SWAP70: variants seen among roughly 807,000 people sequenced by gnomAD.
The protein encoded by SWAP70 is switching B cell complex subunit SWAP70.
A neutral mutation model predicts 80.2 loss-of-function variants in SWAP70; 34 were observed. That is an observed-to-expected ratio of 0.42 (90% CI 0.32 to 0.56). The LOEUF (loss-of-function observed/expected upper bound fraction) is 0.56, where lower values mean the gene tolerates loss of function less well. Among genes scored for constraint, SWAP70 ranks in the 20% least tolerant of loss-of-function variants. SWAP70 has a pLI of 0.09. For missense variants in SWAP70, 578 were observed against 690.7 expected (o/e 0.84, Z 1.83); for synonymous variants, 239 against 238.5 (o/e 1.00, Z -0.02).
intron 7 of SWAP70, among the ~76,000 whole-genome samples, chr11:9,733,624 C>T (rs1851327980): frequency 1.3e-5 from 2 of 152,216 alleles, no homozygotes; most frequent in Admixed American, 6.5e-5. Flanking sequence ...TTTCTAAAAG[C>T]AGCTCCTCAT....
chr11:9,706,378 C>T (rs1277405105), intron 2 of SWAP70, among the ~76,000 whole-genome samples: 1 of 151,912 alleles, frequency 6.6e-6, no homozygotes, highest in East Asian at 1.9e-4. Flanking sequence ...ATACATTGAT[C>T]AGCACTTGTT....
intron 1 of SWAP70, among the ~76,000 whole-genome samples, chr11:9,674,615 C>T (rs992139301): frequency 6.6e-6 from 1 of 151,930 alleles, no homozygotes; most frequent in African/African-American, 2.4e-5. Flanking sequence ...TTTCAGTGAG[C>T]TGAGATAGTG....
At chr11:9,682,721 C>T (rs766304832) in intron 1 of SWAP70, among the ~76,000 whole-genome samples, 1 of 152,004 alleles carries the variant, frequency 6.6e-6, no homozygotes, top group African/African-American at 2.4e-5. Flanking sequence ...CTGTTGCCCA[C>T]GCAGGAGTGC....
intron 2 of SWAP70, among the ~76,000 whole-genome samples, chr11:9,698,322 AAC>A (rs1303067393): frequency 2.6e-5 from 4 of 151,990 alleles, no homozygotes; most frequent in South Asian, 2.1e-4. Flanking sequence ...GCTGGTCTTA[AAC>A]TCCTGACCTC....
intron 3 of SWAP70, among the ~76,000 whole-genome samples, chr11:9,715,690 G>T (rs1469510633): frequency 6.6e-6 from 1 of 152,208 alleles, no homozygotes; most frequent in African/African-American, 2.4e-5. Flanking sequence ...AAAGCCATCA[G>T]ATCTCATGAG....
rs561788569 is a variant in SWAP70 at position 9,749,217 on chromosome 11, T to A, written c.1651+34T>A. On this transcript the variant is annotated intron_variant, in intron 11 of 11. Transcript: ENST00000318950. Reference sequence around the variant, plus strand: ...CTCTATGAAGTAATCATATATTTATTTTTATTTTTCATTTTTATTTTATTT... The same window carrying A: ...CTCTATGAAGTAATCATATATTTATATTTATTTTTCATTTTTATTTTATTT... The A allele has an allele frequency of 8.5e-6, 10 of 1,178,134 alleles. No individual in the cohort carries two copies. In the African/African-American group the frequency reaches 9.8e-5, roughly 12 times the overall value. 73.0% of individuals were successfully genotyped at this position (1,178,134 alleles called of 1,614,324 possible).
chr11:9,742,354 C>G (rs976613517), intron 9 of SWAP70, among the ~76,000 whole-genome samples: 3 of 149,204 alleles, frequency 2.0e-5, no homozygotes, highest in African/African-American at 7.4e-5. Flanking sequence ...CTTTTTTTTT[C>G]TGAGATGGAG....
chr11:9,738,890 A>G (rs1851399448), intron 8 of SWAP70, among the ~76,000 whole-genome samples: 1 of 152,088 alleles, frequency 6.6e-6, no homozygotes, highest in African/African-American at 2.4e-5. Context: ...AATTTGTGGA[A>G]TGATGTGATA....
intron 1 of SWAP70, among the ~76,000 whole-genome samples, chr11:9,686,681 A>G (rs942432381): frequency 6.6e-6 from 1 of 152,116 alleles, no homozygotes; most frequent in Non-Finnish European, 1.5e-5. Context: ...TGTTAGGGTC[A>G]TCTTTCTGTA....
Position 9,748,031 on chromosome 11 carries a change from G to T in SWAP70, c.1529G>T (p.Arg510Leu). Residue 510 changes from arginine to leucine, a missense_variant, in exon 10 of 12, where the codon CGG becomes CTG. Coordinates refer to ENST00000318950, the MANE Select transcript of SWAP70 (RefSeq NM_015055.4). Reference sequence around the variant, plus strand: ...CAGCTGGAGCAGCTTGAGTTAGAACGGAAGCAAGCACTTGAGCAGTACGAG... The same window carrying T: ...CAGCTGGAGCAGCTTGAGTTAGAACTGAAGCAAGCACTTGAGCAGTACGAG... ...MEQLEQLELE[R>L]KQALEQYEEV... 6.2e-7 allele frequency: 1 copy of T among 1,614,110 alleles called. No homozygotes were observed. The highest frequency in any genetic ancestry group is 8.5e-7 in the Non-Finnish European group (1 of 1,179,976).
At chr11:9,696,831 A>G (rs1193107129) in intron 2 of SWAP70, among the ~76,000 whole-genome samples, 1 of 152,014 alleles carries the variant, frequency 6.6e-6, no homozygotes, top group Non-Finnish European at 1.5e-5. Context: ...TATTTTTATC[A>G]TTTTTTGCTT....
intron 1 of SWAP70, among the ~76,000 whole-genome samples, 193 bp from the exon 2 acceptor site, chr11:9,693,953 A>G (rs1039028249): frequency 6.6e-6 from 1 of 152,216 alleles, no homozygotes; most frequent in African/African-American, 2.4e-5. Flanking sequence ...TAAGTGAACC[A>G]AACCTGGGAA....
At chr11:9,666,135 G>A (rs1850304390) in intron 1 of SWAP70, among the ~76,000 whole-genome samples, 2 of 151,126 alleles carry the variant, frequency 1.3e-5, no homozygotes, top group African/African-American at 2.4e-5. Context: ...GCCCAGGCTG[G>A]AGTGCGGTGG....
intron 1 of SWAP70, among the ~76,000 whole-genome samples, chr11:9,669,910 C>T (rs962864557): frequency 6.6e-5 from 10 of 152,108 alleles, no homozygotes; most frequent in Non-Finnish European, 1.5e-5. Flanking sequence ...AGTGGATCAT[C>T]TGAGGTCAGG....
intron 8 of SWAP70, 24 bp downstream of exon 8, chr11:9,738,344 A>G (rs1209146470): frequency 6.5e-7 from 1 of 1,548,384 alleles, no homozygotes; most frequent in Admixed American, 1.9e-5. Context: ...GGCTGGAGAA[A>G]GCAGCTGCAG....
Position 9,732,511 on chromosome 11 carries a change from C to G in SWAP70, c.899-18C>G, listed in dbSNP as rs1246713393. 1 of 1,583,728 alleles carries G rather than the reference C, an allele frequency of 6.3e-7. No individual in the cohort carries two copies. Among genetic ancestry groups the G allele is most frequent in the Non-Finnish European group, 8.6e-7 (1 of 1,165,410 alleles). On this transcript the variant is annotated intron_variant, in intron 6 of 11. Transcript: ENST00000318950. ...ATAATATCTCCCCATTTTTTTTTTC[C>G]TCCTACACCTTTTACAGCCATTCAT...
intron 1 of SWAP70, among the ~76,000 whole-genome samples, chr11:9,687,395 A>G (rs1850645934): frequency 6.6e-6 from 1 of 152,240 alleles, no homozygotes; most frequent in African/African-American, 2.4e-5. Flanking sequence ...TCCTCTATTT[A>G]TTAGTGATTA....
intron 1 of SWAP70, among the ~76,000 whole-genome samples, chr11:9,684,948 T>G (rs1469897415): frequency 3.9e-5 from 6 of 152,188 alleles, no homozygotes; most frequent in African/African-American, 1.4e-4. Context: ...GACTCTCTCT[T>G]TAAGGAACTT....
chr11:9,671,214 T>A (rs1850375696), intron 1 of SWAP70, among the ~76,000 whole-genome samples: 1 of 73,624 alleles, frequency 1.4e-5, no homozygotes, highest in African/African-American at 6.3e-5. Flanking sequence ...TAAATATAAA[T>A]ATAAAAATAT....
Sources: gnomAD v4.1 joint callset for allele counts (sites outside exome capture counted in the v4.1 genomes callset) on GRCh38, gnomAD v4.1.1 for gene constraint, MANE v1.5 for transcripts, NCBI Gene and HGNC (gene_info 2026-07-23, HGNC 2026-07-21) for gene names.